The following RABEP1 variants were observed in gnomAD, a reference collection of about 807,000 sequenced individuals.
The protein encoded by RABEP1 is rabaptin, RAB GTPase binding effector protein 1.
RABEP1 carries 51 observed loss-of-function variants against 123.4 expected under a neutral mutation model. The observed-to-expected ratio is 0.41, with a 90% CI of 0.33 to 0.52. The LOEUF is 0.52. Ranked by LOEUF, RABEP1 falls within the 20% of genes least tolerant of loss-of-function variation. The pLI is 0.16. For synonymous variants in RABEP1, 347 were observed against 355.2 expected (o/e 0.98, Z 0.26); for missense variants, 888 against 996.3 (o/e 0.89, Z 1.46).
intron 2 of RABEP1, among the ~76,000 whole-genome samples, chr17:5,319,728 A>AAATAGATT (rs1336681865): frequency 6.6e-6 from 1 of 152,146 alleles, no homozygotes; most frequent in East Asian, 1.9e-4. Flanking sequence ...TAGAACTGAT[A>AAATAGATT]AATAGATTTT....
intron 2 of RABEP1, among the ~76,000 whole-genome samples, chr17:5,322,474 AG>A (rs112469356): frequency 0.28 from 42,234 of 152,050 alleles, 6,042 homozygotes; most frequent in African/African-American, 0.34. Flanking sequence ...GGTACTTCCA[AG>A]TACATATAAA....
At chr17:5,353,114 C>G (rs1003594636) in intron 7 of RABEP1, among the ~76,000 whole-genome samples, 4 of 152,194 alleles carry the variant, frequency 2.6e-5, no homozygotes, top group African/African-American at 4.8e-5. Context: ...CCACCTCTTT[C>G]TCCATGTCCT....
chr17:5,304,430 A>G (rs1369726517), intron 1 of RABEP1, among the ~76,000 whole-genome samples: 1 of 151,668 alleles, frequency 6.6e-6, no homozygotes, highest in Admixed American at 6.6e-5. Flanking sequence ...AAATACAAAA[A>G]AATTAGCCGG....
rs555771178 is a variant in RABEP1, at chr17:5,382,166, G to C, written c.2487+661G>C. ...GTGTGATCTTGGCTCACTGCAGCCT[G>C]TGCCTCCTGGATTCCAGCGATTCTC... is the stretch of plus-strand genomic sequence containing the variant. On this transcript the variant is annotated intron_variant, in intron 17 of 17. Coordinates refer to ENST00000537505, the MANE Select transcript of RABEP1 (RefSeq NM_004703.6). 3.3e-5 allele frequency among the ~76,000 whole-genome samples: 5 copies of C among 150,294 alleles called. No homozygotes were observed. The South Asian group carries it at 1.1e-3, about 32-fold the overall frequency.
At chr17:5,367,111 T>G (rs528680909) in intron 11 of RABEP1, among the ~76,000 whole-genome samples, 3 of 151,884 alleles carry the variant, frequency 2.0e-5, no homozygotes, top group East Asian at 3.9e-4. Context: ...AAAATCAAAT[T>G]TATTAATTAT....
chr17:5,325,260 C>T (rs556319992), intron 2 of RABEP1, among the ~76,000 whole-genome samples: 17 of 152,036 alleles, frequency 1.1e-4, no homozygotes, highest in African/African-American at 3.9e-4. Context: ...CGCTTGAACC[C>T]GGGAGGTGGA....
At chr17:5,342,961 T>TA (rs1382219414) in intron 5 of RABEP1, among the ~76,000 whole-genome samples, 1 of 152,166 alleles carries the variant, frequency 6.6e-6, no homozygotes, top group African/African-American at 2.4e-5. Flanking sequence ...AATGGATTGT[T>TA]AAAAAATACC....
intron 1 of RABEP1, among the ~76,000 whole-genome samples, chr17:5,292,128 TTTCTTC>T (rs938142319): frequency 2.0e-5 from 3 of 152,196 alleles, no homozygotes; most frequent in African/African-American, 4.8e-5. Flanking sequence ...CTAGTTTACA[TTTCTTC>T]TTCTTAGTGC....
chr17:5,364,645 T>A (rs1203960850), intron 10 of RABEP1, among the ~76,000 whole-genome samples: 1 of 145,840 alleles, frequency 6.9e-6, no homozygotes, highest in South Asian at 2.1e-4. Flanking sequence ...GGCAGGAGAA[T>A]CCCTTGAACC....
chr17:5,342,376 G>A (rs1415835793), intron 5 of RABEP1, among the ~76,000 whole-genome samples: 5 of 152,140 alleles, frequency 3.3e-5, no homozygotes, highest in African/African-American at 7.2e-5. Context: ...AGTGGCTCAC[G>A]TCTGTAATCC....
At position 5,316,855 on chromosome 17, in the gene RABEP1, A is replaced by AAT. The variant is rs1171136663; in HGVS notation, c.163+8037_163+8038dup. On this transcript the variant is annotated intron_variant, in intron 2 of 17. Coordinates refer to ENST00000537505, the MANE Select transcript of RABEP1 (RefSeq NM_004703.6). ...CTCAAAAAAAAAAAAAAAAAAAAAAAATATAAGAAACAATACAAAATACAG... is the reference window on the plus strand; with the variant it reads ...CTCAAAAAAAAAAAAAAAAAAAAAAAATATATAAGAAACAATACAAAATACAG... Among the ~76,000 whole-genome samples the AAT allele has an allele frequency of 3.6e-3, 507 of 139,148 alleles. 13 individuals are homozygous for AAT. Among genetic ancestry groups the AAT allele is most frequent in the African/African-American group, 4.5e-3 (169 of 37,312 alleles). The allele number at this position is 139,148 out of a possible 152,430, so 91.3% of individuals were successfully genotyped here.
rs112559592 is a variant in RABEP1 at position 5,381,622 on chromosome 17, A to G, written c.2487+117A>G. 3.7e-4 allele frequency: 526 copies of G among 1,435,650 alleles called. No homozygotes were observed. The African/African-American group carries it at 6.5e-3, about 18-fold the overall frequency. 88.9% of individuals were successfully genotyped at this position (1,435,650 alleles called of 1,614,324 possible). A position where few individuals can be genotyped will look rare whatever the true frequency, so the allele number is the denominator to read the frequency against. On this transcript the variant is annotated intron_variant, in intron 17 of 17. Transcript: ENST00000537505. Reference sequence around the variant, plus strand: ...AGAGGTTTAGAGACTGGCTGCTCCTACCTCCACCCCAAATGTCTGACTCAT... The same window carrying G: ...AGAGGTTTAGAGACTGGCTGCTCCTGCCTCCACCCCAAATGTCTGACTCAT...
chr17:5,334,120 G>A (rs990551883), intron 3 of RABEP1, among the ~76,000 whole-genome samples: 10 of 146,432 alleles, frequency 6.8e-5, no homozygotes, highest in South Asian at 2.4e-4. Context: ...TGCAACCTCC[G>A]CCTCCTGGGT....
intron 1 of RABEP1, among the ~76,000 whole-genome samples, chr17:5,298,951 G>T (rs115371162): frequency 6.6e-6 from 1 of 151,802 alleles, no homozygotes; most frequent in South Asian, 2.1e-4. Flanking sequence ...CACTGTGCCC[G>T]GCCTCCTCCA....
intron 1 of RABEP1, among the ~76,000 whole-genome samples, chr17:5,302,687 C>T (rs147918824): frequency 6.6e-6 from 1 of 150,788 alleles, no homozygotes; most frequent in African/African-American, 2.4e-5. Context: ...ACAACCACAC[C>T]TGGCTAATTT....
At chr17:5,299,604 C>G (rs757084040) in intron 1 of RABEP1, among the ~76,000 whole-genome samples, 50 of 146,606 alleles carry the variant, frequency 3.4e-4, no homozygotes, top group Non-Finnish European at 6.3e-4. Flanking sequence ...TTTTTAGTCA[C>G]GGTTTTATTT....
chr17:5,338,068 A>G lies in RABEP1; in HGVS notation c.578A>G (p.Lys193Arg). Residue 193 changes from lysine to arginine, a missense_variant, in exon 5 of 18, where the codon AAG becomes AGG. Lys to Arg is a conservative substitution (Grantham distance 26). Transcript: ENST00000537505. The stretch of plus-strand genomic sequence containing the variant: ...CGGTCCGTTGTGATGCCAATGGAAA[A>G]GGAAATTGCAGCTTTGAAGGATAAA... ...KLRSVVMPME[K>R]EIAALKDKLT... The G allele has an allele frequency of 6.2e-7, 1 of 1,613,478 alleles. No individual in the cohort carries two copies. The highest frequency in any genetic ancestry group is 8.5e-7 in the Non-Finnish European group (1 of 1,179,518).
intron 1 of RABEP1, among the ~76,000 whole-genome samples, chr17:5,295,088 T>C (rs2075069891): frequency 6.6e-6 from 1 of 152,074 alleles, no homozygotes; most frequent in African/African-American, 2.4e-5. Flanking sequence ...TATTAAATAA[T>C]GTTATTTTTG....
rs1428894228 is a variant in RABEP1 at position 5,385,617 on chromosome 17, T to G, written c.*2394T>G. On this transcript the variant is annotated 3_prime_UTR_variant, in exon 18 of 18. Transcript: ENST00000537505. ...CTCATGTCCACTCAGTAACAAGTAT[T>G]GGGACGTAGAGCACAGCCTCACTCA... is the stretch of plus-strand genomic sequence containing the variant. The G allele has an allele frequency of 4.3e-6, 1 of 230,964 alleles. No homozygotes were observed. Among genetic ancestry groups the G allele is most frequent in the Non-Finnish European group, 8.6e-6 (1 of 116,744 alleles). The allele number at this position is 230,964 out of a possible 1,614,324, so 14.3% of individuals were successfully genotyped here. A position where few individuals can be genotyped will look rare whatever the true frequency, so the allele number is the denominator to read the frequency against.
Sources: allele counts gnomAD v4.1 joint callset (sites outside exome capture counted in the v4.1 genomes callset), GRCh38; gene constraint gnomAD v4.1.1; transcripts MANE v1.5; gene names NCBI Gene and HGNC (gene_info 2026-07-23, HGNC 2026-07-21).